SLC25A21: variants seen among roughly 807,000 people sequenced by gnomAD.
SLC25A21 encodes the protein solute carrier family 25 member 21.
SLC25A21 carries 47 observed loss-of-function variants against 43.8 expected under a neutral mutation model. The observed-to-expected ratio is 1.07, with a 90% CI of 0.85 to 1.37. The LOEUF (loss-of-function observed/expected upper bound fraction) is 1.37. Ranked by LOEUF, SLC25A21 falls within the 40% of genes most tolerant of loss-of-function variation. The pLI is 0.00. For synonymous variants in SLC25A21, 131 were observed against 121.3 expected, an observed-to-expected ratio of 1.08 and a Z score of -0.52; for missense variants, 352 against 350.2, an observed-to-expected ratio of 1.00 and a Z score of -0.04.
intron 9 of SLC25A21, among the ~76,000 whole-genome samples, chr14:36,682,137 T>A (rs1353975076): frequency 6.6e-6 from 1 of 151,986 alleles, no homozygotes; most frequent in Non-Finnish European, 1.5e-5. Context: ...AGGCTCACCT[T>A]TCTTTTCTTT....
chr14:37,017,643 T>A (rs1026037087), intron 1 of SLC25A21, among the ~76,000 whole-genome samples: 3 of 152,094 alleles, frequency 2.0e-5, no homozygotes, highest in Non-Finnish European at 4.4e-5. Context: ...AAACGCAGTA[T>A]CTGCGAAGTG....
intron 1 of SLC25A21, among the ~76,000 whole-genome samples, chr14:37,068,857 T>C (rs1030650692): frequency 6.6e-6 from 1 of 152,082 alleles, no homozygotes; most frequent in Non-Finnish European, 1.5e-5. Flanking sequence ...CATTATAAGC[T>C]AAAAAAAGCA....
chr14:36,984,578 T>C (rs1256834471), intron 1 of SLC25A21, among the ~76,000 whole-genome samples: 2 of 152,102 alleles, frequency 1.3e-5, no homozygotes, highest in Non-Finnish European at 2.9e-5. Flanking sequence ...TTGTAAATCT[T>C]ATAATTCAAA....
intron 1 of SLC25A21, among the ~76,000 whole-genome samples, chr14:37,034,336 G>A (rs1402761132): frequency 6.6e-6 from 1 of 152,058 alleles, no homozygotes; most frequent in Non-Finnish European, 1.5e-5. Flanking sequence ...TAATTTATTA[G>A]AGAGAATAAA....
At chr14:36,754,370 C>T (rs976483405) in intron 3 of SLC25A21, among the ~76,000 whole-genome samples, 12 of 152,092 alleles carry the variant, frequency 7.9e-5, no homozygotes, top group African/African-American at 2.4e-4. Flanking sequence ...ACCTACCACT[C>T]TTCTACTTCC....
At chr14:36,774,229 T>C (rs1417128383) in intron 3 of SLC25A21, among the ~76,000 whole-genome samples, 1 of 152,234 alleles carries the variant, frequency 6.6e-6, no homozygotes, top group Non-Finnish European at 1.5e-5. Flanking sequence ...GTGTTTTATA[T>C]ATAATAGAAA....
At chr14:36,718,507 A>G (rs1272574268) in intron 6 of SLC25A21, among the ~76,000 whole-genome samples, 1 of 141,504 alleles carries the variant, frequency 7.1e-6, no homozygotes, top group Non-Finnish European at 1.6e-5. Flanking sequence ...GTATAACTCA[A>G]CTTCTCTCTC....
At chr14:37,054,810 A>G (rs947745412) in intron 1 of SLC25A21, among the ~76,000 whole-genome samples, 6 of 152,236 alleles carry the variant, frequency 3.9e-5, no homozygotes, top group Non-Finnish European at 7.3e-5. Flanking sequence ...CTGATCCCCA[A>G]TCTCTCGCAG....
chr14:36,892,225 A>C (rs1159250870), intron 1 of SLC25A21, among the ~76,000 whole-genome samples: 1 of 152,174 alleles, frequency 6.6e-6, no homozygotes, highest in Non-Finnish European at 1.5e-5. Context: ...AAGAACTATC[A>C]TCTGATTCAG....
intron 3 of SLC25A21, among the ~76,000 whole-genome samples, chr14:36,797,752 G>A (rs1359141129): frequency 6.6e-6 from 1 of 152,116 alleles, no homozygotes; most frequent in African/African-American, 2.4e-5. Flanking sequence ...AACACAAAAA[G>A]TTTTTATGTA....
chr14:37,089,541 C>T (rs1311623876), intron 1 of SLC25A21, among the ~76,000 whole-genome samples: 1 of 152,178 alleles, frequency 6.6e-6, no homozygotes, highest in Non-Finnish European at 1.5e-5. Context: ...GTTTCTGCTG[C>T]CTTTTTTATT....
chr14:36,903,396 G>A (rs1891447070), intron 1 of SLC25A21, among the ~76,000 whole-genome samples: 1 of 151,928 alleles, frequency 6.6e-6, no homozygotes, highest in East Asian at 1.9e-4. Context: ...TGGATCACTT[G>A]AGGTCAGGAG....
rs1417380254 is a variant in SLC25A21, at chr14:37,123,572, TTAAA to T, written c.70+48705_70+48708del. Among the ~76,000 whole-genome samples the T allele has an allele frequency of 5.9e-5, 9 of 152,330 alleles. No homozygotes were observed. The South Asian group carries it at 8.3e-4, about 14-fold the overall frequency. On this transcript the variant is annotated intron_variant, in intron 1 of 9. Transcript: ENST00000331299. ...AATCATATAGCCAACAAGGTTTTAA[TTAAA>T]TAAATTATGGCATACCTTCATTAAA... is the stretch of plus-strand genomic sequence containing the variant.
At position 36,695,690 on chromosome 14, in the gene SLC25A21, T is replaced by C. The variant is rs1458283380; in HGVS notation, c.604-10765A>G. ...TTGTAGCAATTGCAAATGGGAGTTC[T>C]CTCATGATTTGGCTCTCTGTCTGTT... On this transcript the variant is annotated intron_variant, in intron 7 of 9. Coordinates refer to ENST00000331299, the MANE Select transcript of SLC25A21 (RefSeq NM_030631.4). 2.6e-5 allele frequency among the ~76,000 whole-genome samples: 4 copies of C among 152,306 alleles called. No individual in the cohort carries two copies. The East Asian group carries it at 7.7e-4, about 29-fold the overall frequency.
intron 6 of SLC25A21, among the ~76,000 whole-genome samples, chr14:36,714,489 C>A (rs1185946785): frequency 1.3e-5 from 2 of 152,200 alleles, no homozygotes; most frequent in Non-Finnish European, 2.9e-5. Flanking sequence ...TCTTCCTTAT[C>A]CCTCAAGGTG....
chr14:37,082,037 A>T (rs749826906), intron 1 of SLC25A21, among the ~76,000 whole-genome samples: 10 of 152,220 alleles, frequency 6.6e-5, no homozygotes, highest in Non-Finnish European at 1.3e-4. Flanking sequence ...CACACCATGG[A>T]GTACTATACA....
intron 1 of SLC25A21, among the ~76,000 whole-genome samples, chr14:37,109,182 C>T (rs1962973779): frequency 6.6e-6 from 1 of 152,066 alleles, no homozygotes; most frequent in Admixed American, 6.6e-5. Context: ...TCATGCAGTA[C>T]TACATCATGT....
intron 1 of SLC25A21, among the ~76,000 whole-genome samples, chr14:37,075,974 C>T (rs1033341787): frequency 2.6e-5 from 4 of 152,180 alleles, no homozygotes; most frequent in Admixed American, 1.3e-4. Flanking sequence ...TGAGGGCCAG[C>T]GGAAGCTGTG....
intron 1 of SLC25A21, among the ~76,000 whole-genome samples, chr14:37,153,925 C>T (rs1963802200): frequency 6.6e-6 from 1 of 152,184 alleles, no homozygotes; most frequent in African/African-American, 2.4e-5. Flanking sequence ...TGAACACACA[C>T]CACTCAGGAC....
Sources: gnomAD v4.1 joint callset for allele counts (sites outside exome capture counted in the v4.1 genomes callset) on GRCh38, gnomAD v4.1.1 for gene constraint, MANE v1.5 for transcripts, NCBI Gene and HGNC (gene_info 2026-07-23, HGNC 2026-07-21) for gene names.